The following RPS6KC1 variants were observed in gnomAD, a reference collection of about 807,000 sequenced individuals.
The protein encoded by RPS6KC1 is inactive ribosomal protein S6 kinase delta-1.
RPS6KC1 carries 54 observed loss-of-function variants against 103.8 expected under a neutral mutation model. The ratio of observed to expected loss-of-function variants is 0.52; its 90% CI spans 0.42 to 0.65. RPS6KC1 has a LOEUF of 0.65. RPS6KC1 is among the 30% of genes least tolerant of loss of function. The pLI, the probability that RPS6KC1 is intolerant of heterozygous loss-of-function variation, is 0.00. For synonymous variants in RPS6KC1, 439 were observed against 438.7 expected (o/e 1.00, Z -0.01); for missense variants, 1,151 against 1,253.8 (o/e 0.92, Z 1.24).
chr1:213,160,548 G>A lies in RPS6KC1; in HGVS notation c.836-7310G>A, dbSNP rs549162799. 2.0e-3 allele frequency among the ~76,000 whole-genome samples: 306 copies of A among 152,278 alleles called. 1 individual carries two copies. Among genetic ancestry groups the A allele is most frequent in the Non-Finnish European group, 3.8e-3 (260 of 68,022 alleles). On this transcript the variant is annotated intron_variant, in intron 6 of 14. Transcript: ENST00000366960. Reference sequence around the variant, plus strand: ...TGCATTTTATGTAACTATTGTTTAAGTTAGAGAAAGGCACTAAGTTATAGA... The same window carrying A: ...TGCATTTTATGTAACTATTGTTTAAATTAGAGAAAGGCACTAAGTTATAGA...
chr1:213,346,519 A>G, the RPS6KC1 span, among the ~76,000 whole-genome samples: 2 of 152,216 alleles, frequency 1.3e-5, no homozygotes, highest in Non-Finnish European at 2.9e-5. Flanking sequence ...GAAAATGATC[A>G]TAAAGACAGA....
At chr1:213,606,638 C>T in the RPS6KC1 span, among the ~76,000 whole-genome samples, 4 of 152,288 alleles carry the variant, frequency 2.6e-5, no homozygotes, top group East Asian at 3.9e-4. Context: ...TTCAAGGCAA[C>T]GAGCCAAGCT....
the RPS6KC1 span, among the ~76,000 whole-genome samples, chr1:213,798,849 A>G: frequency 1.3e-5 from 2 of 152,184 alleles, no homozygotes; most frequent in Admixed American, 1.3e-4. Context: ...TTTCCTATTC[A>G]GGCAAAGGTA....
At chr1:213,615,512 T>C in the RPS6KC1 span, among the ~76,000 whole-genome samples, 5 of 152,234 alleles carry the variant, frequency 3.3e-5, no homozygotes, top group Admixed American at 6.5e-5. Context: ...CCTTCAGCAC[T>C]GCAGGCTGGT....
the RPS6KC1 span, among the ~76,000 whole-genome samples, chr1:213,608,709 T>C: frequency 6.6e-6 from 1 of 152,256 alleles, no homozygotes; most frequent in Non-Finnish European, 1.5e-5. Context: ...TTTGTGATTT[T>C]CCATCTTTTT....
the RPS6KC1 span, among the ~76,000 whole-genome samples, chr1:213,798,406 A>G: frequency 6.6e-6 from 1 of 152,118 alleles, no homozygotes; most frequent in East Asian, 1.9e-4. Flanking sequence ...GTACTCTTAG[A>G]AGTCACCCAG....
At chr1:213,283,012 A>G in the RPS6KC1 span, among the ~76,000 whole-genome samples, 18 of 152,286 alleles carry the variant, frequency 1.2e-4, no homozygotes, top group African/African-American at 4.3e-4. Flanking sequence ...GTGATTGGAA[A>G]CTAGATGGTT....
At chr1:213,656,057 C>A in the RPS6KC1 span, among the ~76,000 whole-genome samples, 1 of 152,314 alleles carries the variant, frequency 6.6e-6, no homozygotes, top group South Asian at 2.1e-4. Flanking sequence ...TCCTGCCAGG[C>A]ATTACTGTAA....
At chr1:213,804,789 G>T in the RPS6KC1 span, among the ~76,000 whole-genome samples, 1 of 152,198 alleles carries the variant, frequency 6.6e-6, no homozygotes, top group Non-Finnish European at 1.5e-5. Context: ...GAGATTGAAT[G>T]AATTAGAGAA....
chr1:213,200,575 G>A (rs2148568486), intron 8 of RPS6KC1, among the ~76,000 whole-genome samples: 1 of 152,104 alleles, frequency 6.6e-6, no homozygotes, highest in East Asian at 1.9e-4. Flanking sequence ...ATAGGCACTG[G>A]CAATGATTTT....
At chr1:213,833,558 C>T in the RPS6KC1 span, among the ~76,000 whole-genome samples, 1 of 152,270 alleles carries the variant, frequency 6.6e-6, no homozygotes, top group Non-Finnish European at 1.5e-5. Flanking sequence ...TCCTCATCCT[C>T]CACATCTTGG....
At chr1:213,523,393 C>A in the RPS6KC1 span, among the ~76,000 whole-genome samples, 197 of 152,154 alleles carry the variant, frequency 1.3e-3, 1 homozygote, top group African/African-American at 4.6e-3. Context: ...TGAAATGAGC[C>A]CATGCTGCTG....
At chr1:213,611,038 C>T in the RPS6KC1 span, among the ~76,000 whole-genome samples, 1 of 152,196 alleles carries the variant, frequency 6.6e-6, no homozygotes, top group Non-Finnish European at 1.5e-5. Flanking sequence ...ATCCTCACTG[C>T]ATCATGTGTG....
intron 8 of RPS6KC1, among the ~76,000 whole-genome samples, chr1:213,179,852 G>GTA (rs2092149444): frequency 6.6e-6 from 1 of 152,068 alleles, no homozygotes; most frequent in East Asian, 1.9e-4. Flanking sequence ...GAATCGCTTG[G>GTA]CACATAATGG....
At chr1:213,649,781 G>A in the RPS6KC1 span, among the ~76,000 whole-genome samples, 2 of 152,126 alleles carry the variant, frequency 1.3e-5, no homozygotes, top group Admixed American at 6.5e-5. Flanking sequence ...CATCTGACTC[G>A]TCTCAGTGAC....
At chr1:213,189,582 G>A (rs991128179) in intron 8 of RPS6KC1, among the ~76,000 whole-genome samples, 1 of 152,006 alleles carries the variant, frequency 6.6e-6, no homozygotes, top group African/African-American at 2.4e-5. Flanking sequence ...ATACAGGGAT[G>A]CAATGTGTAA....
chr1:213,540,035 T>G, the RPS6KC1 span, among the ~76,000 whole-genome samples: 2 of 152,226 alleles, frequency 1.3e-5, no homozygotes, highest in African/African-American at 4.8e-5. Context: ...TTCTTCCTGC[T>G]GGAGGGTCTT....
At chr1:213,463,957 A>C in the RPS6KC1 span, among the ~76,000 whole-genome samples, 12 of 152,250 alleles carry the variant, frequency 7.9e-5, no homozygotes, top group Middle Eastern at 6.8e-3. Context: ...GATTTGGGAG[A>C]TGTCTACTGA....
the RPS6KC1 span, among the ~76,000 whole-genome samples, chr1:213,398,196 C>CTT: frequency 4.7e-4 from 51 of 109,444 alleles, no homozygotes; most frequent in African/African-American, 9.1e-4. Context: ...CACACCTGGC[C>CTT]TTTTTTTTTT....
Sources: allele counts gnomAD v4.1 joint callset (sites outside exome capture counted in the v4.1 genomes callset), GRCh38; gene constraint gnomAD v4.1.1; transcripts MANE v1.5; gene names NCBI Gene and HGNC (gene_info 2026-07-23, HGNC 2026-07-21).